The following CFAP299 variants were observed in gnomAD, a reference collection of about 807,000 sequenced individuals.
The protein encoded by CFAP299 is cilia- and flagella-associated protein 299.
Under a neutral mutation model 27.0 loss-of-function variants are expected in CFAP299, and 21 were observed. The ratio of observed to expected loss-of-function variants is 0.78; its 90% CI spans 0.55 to 1.12. The LOEUF (loss-of-function observed/expected upper bound fraction) is 1.12. Among genes scored for constraint, CFAP299 ranks in the 50% most tolerant of loss-of-function variants. The pLI is 0.00. For missense variants in CFAP299, 310 were observed against 276.6 expected (o/e 1.12, Z -0.86); for synonymous variants, 104 against 98.1 (o/e 1.06, Z -0.36).
chr4:80,832,573 C>T (rs1317232708), intron 3 of CFAP299, among the ~76,000 whole-genome samples: 2 of 151,866 alleles, frequency 1.3e-5, no homozygotes, highest in Admixed American at 6.6e-5. Context: ...CGTAAAAGTT[C>T]TGGTTTTTCC....
intron 2 of CFAP299, among the ~76,000 whole-genome samples, chr4:80,497,594 A>G (rs1277474533): frequency 2.0e-5 from 3 of 152,108 alleles, no homozygotes; most frequent in Admixed American, 2.0e-4. Context: ...GGGTATTTTC[A>G]TATCTTTTTT....
chr4:80,547,885 G>T (rs1368515474), intron 2 of CFAP299, among the ~76,000 whole-genome samples: 1 of 151,986 alleles, frequency 6.6e-6, no homozygotes, highest in Non-Finnish European at 1.5e-5. Flanking sequence ...CAAGATTTTG[G>T]CAAGGTTGTG....
intron 2 of CFAP299, among the ~76,000 whole-genome samples, chr4:80,577,592 A>G (rs1297378056): frequency 2.0e-5 from 3 of 151,734 alleles, no homozygotes; most frequent in Non-Finnish European, 4.4e-5. Context: ...TAGTAGAGAC[A>G]GGGTTTCAGC....
chr4:80,370,899 G>A (rs530743052), intron 2 of CFAP299, among the ~76,000 whole-genome samples: 23 of 152,360 alleles, frequency 1.5e-4, no homozygotes, highest in African/African-American at 4.3e-4. Context: ...ACTAGGCAGC[G>A]CCCCAGTGGG....
At chr4:80,948,044 T>C (rs1219113231) in intron 5 of CFAP299, among the ~76,000 whole-genome samples, 1 of 152,118 alleles carries the variant, frequency 6.6e-6, no homozygotes, top group Non-Finnish European at 1.5e-5. Flanking sequence ...CTGTAAAATA[T>C]TGTAAGAGCA....
intron 2 of CFAP299, among the ~76,000 whole-genome samples, chr4:80,371,759 G>A (rs1363872656): frequency 6.6e-6 from 1 of 151,914 alleles, no homozygotes; most frequent in Non-Finnish European, 1.5e-5. Flanking sequence ...GACCACTTCA[G>A]CCTACCTTCA....
intron 3 of CFAP299, among the ~76,000 whole-genome samples, chr4:80,861,501 G>C (rs562179075): frequency 6.6e-6 from 1 of 152,102 alleles, no homozygotes; most frequent in African/African-American, 2.4e-5. Context: ...CGTCTTCTGC[G>C]TCACTCATGC....
intron 3 of CFAP299, among the ~76,000 whole-genome samples, chr4:80,774,090 T>C (rs1338635216): frequency 6.6e-6 from 1 of 151,960 alleles, no homozygotes; most frequent in Non-Finnish European, 1.5e-5. Flanking sequence ...CTGAGAGATT[T>C]TTAAGATTTT....
At chr4:80,873,989 T>C (rs1221481864) in intron 4 of CFAP299, among the ~76,000 whole-genome samples, 1 of 152,230 alleles carries the variant, frequency 6.6e-6, no homozygotes, top group African/African-American at 2.4e-5. Context: ...TTGTCTGTTT[T>C]ATTAAAATGT....
At chr4:80,610,954 G>A (rs923178) in intron 3 of CFAP299, among the ~76,000 whole-genome samples, 142,767 of 152,044 alleles carry the variant, frequency 0.94, 67,091 homozygotes, top group East Asian at 1. Flanking sequence ...CCAAAAGTAA[G>A]TGCAAATAAA....
intron 3 of CFAP299, among the ~76,000 whole-genome samples, chr4:80,639,229 G>A (rs192557674): frequency 2.8e-4 from 43 of 152,246 alleles, no homozygotes; most frequent in African/African-American, 5.8e-4. Context: ...CAAGAAAGAC[G>A]TATGTAAAAC....
intron 5 of CFAP299, among the ~76,000 whole-genome samples, chr4:80,957,432 A>G (rs1738126386): frequency 1.3e-5 from 2 of 152,234 alleles, no homozygotes; most frequent in South Asian, 4.1e-4. Flanking sequence ...AGATAGAATC[A>G]TCATTCTCAC....
At chr4:80,896,557 A>G (rs1047925919) in intron 4 of CFAP299, among the ~76,000 whole-genome samples, 1 of 152,106 alleles carries the variant, frequency 6.6e-6, no homozygotes, top group Non-Finnish European at 1.5e-5. Flanking sequence ...GTCAAATCAT[A>G]TGTAACACAA....
At position 80,380,320 on chromosome 4, in the gene CFAP299, A is replaced by G. The variant is rs558805066; in HGVS notation, c.242+17436A>G. ...GAGAAAACTATATAGACAAAATCCA[A>G]TATTGGTGACAGCTCGCTAGTGATT... On this transcript the variant is annotated intron_variant, in intron 2 of 5. Transcript: ENST00000358105. Among the ~76,000 whole-genome samples the G allele has an allele frequency of 1.5e-4, 23 of 152,254 alleles. 1 individual carries two copies. Among genetic ancestry groups the G allele is most frequent in the African/African-American group, 5.5e-4 (23 of 41,558 alleles).
At chr4:80,667,028 C>T (rs1312911731) in intron 3 of CFAP299, among the ~76,000 whole-genome samples, 2 of 152,156 alleles carry the variant, frequency 1.3e-5, no homozygotes, top group African/African-American at 4.8e-5. Flanking sequence ...CTTAAACTCA[C>T]TTGAATAGGT....
chr4:80,653,588 G>A (rs972060851), intron 3 of CFAP299, among the ~76,000 whole-genome samples: 1 of 151,932 alleles, frequency 6.6e-6, no homozygotes, highest in Admixed American at 6.6e-5. Flanking sequence ...GGGACAGAAA[G>A]ATGAGCAAGT....
intron 3 of CFAP299, among the ~76,000 whole-genome samples, chr4:80,725,405 A>G (rs528536858): frequency 6.6e-6 from 1 of 151,472 alleles, no homozygotes; most frequent in Non-Finnish European, 1.5e-5. Flanking sequence ...CTTTTTTATC[A>G]TCTTTGTTTC....
intron 3 of CFAP299, among the ~76,000 whole-genome samples, chr4:80,588,204 G>A (rs1736545043): frequency 2.0e-5 from 3 of 151,052 alleles, no homozygotes; most frequent in Admixed American, 2.0e-4. Flanking sequence ...GGTGGGAGAT[G>A]GAGAAGTGGC....
chr4:80,818,794 G>T (rs1729552670), intron 3 of CFAP299, among the ~76,000 whole-genome samples: 2 of 152,138 alleles, frequency 1.3e-5, no homozygotes, highest in African/African-American at 2.4e-5. Flanking sequence ...CTAGGGCCAT[G>T]CAAATGTACT....
Sources: allele counts gnomAD v4.1 joint callset (sites outside exome capture counted in the v4.1 genomes callset), GRCh38; gene constraint gnomAD v4.1.1; transcripts MANE v1.5; gene names NCBI Gene and HGNC (gene_info 2026-07-23, HGNC 2026-07-21).